Variants in SORCS1 observed in about 807,000 individuals in gnomAD.
The protein encoded by SORCS1 is VPS10 domain-containing receptor SorCS1.
Under a neutral mutation model 146.1 loss-of-function variants are expected in SORCS1, and 60 were observed. That is an observed-to-expected ratio of 0.41 (90% CI 0.33 to 0.51). SORCS1 has a LOEUF of 0.51. SORCS1 is among the 20% of genes least tolerant of loss of function. The pLI, the probability that SORCS1 is intolerant of heterozygous loss-of-function variation, is 0.21. For synonymous variants in SORCS1, 637 were observed against 584.0 expected (o/e 1.09, Z -1.31); for missense variants, 1,352 against 1,487.6 (o/e 0.91, Z 1.50).
At chr10:106,831,790 A>T (rs1167679197) in intron 2 of SORCS1, among the ~76,000 whole-genome samples, 1 of 152,228 alleles carries the variant, frequency 6.6e-6, no homozygotes, top group East Asian at 1.9e-4. Context: ...TTTAGATGCC[A>T]TTCCTAATCG....
intron 3 of SORCS1, among the ~76,000 whole-genome samples, chr10:106,819,527 A>G (rs1025064949): frequency 1.3e-5 from 2 of 152,206 alleles, no homozygotes; most frequent in African/African-American, 2.4e-5. Flanking sequence ...AGGTATACAT[A>G]TAAATACAAG....
Position 107,060,708 on chromosome 10 carries a change from C to A in SORCS1, c.558+103261G>T, listed in dbSNP as rs1233107255. On this transcript the variant is annotated intron_variant, in intron 1 of 25. Coordinates refer to ENST00000263054, the MANE Select transcript of SORCS1 (RefSeq NM_052918.5). The surrounding 1 kb of genome is among the most constrained non-coding windows in gnomAD (Gnocchi z 4.1). The stretch of plus-strand genomic sequence containing the variant: ...TTTCTCCTCTCTTGACACTTGCAGT[C>A]ATGTTTACTCTTAGACAATATCTTT... Among the ~76,000 whole-genome samples, 1 of 152,130 alleles carries A rather than the reference C, an allele frequency of 6.6e-6. No homozygotes were observed. Among genetic ancestry groups the A allele is most frequent in the East Asian group, 1.9e-4 (1 of 5,192 alleles).
intron 1 of SORCS1, among the ~76,000 whole-genome samples, chr10:107,139,963 G>C (rs1190685719): frequency 6.6e-6 from 1 of 152,106 alleles, no homozygotes; most frequent in African/African-American, 2.4e-5. Context: ...GAAGTCACCT[G>C]GCTAGCAAAA....
At chr10:106,813,700 T>A (rs529912393) in intron 3 of SORCS1, among the ~76,000 whole-genome samples, 13 of 152,282 alleles carry the variant, frequency 8.5e-5, no homozygotes, top group African/African-American at 3.1e-4. Context: ...TTTGAGAGGC[T>A]GAGGCAGGAG....
At chr10:106,863,943 T>C (rs528281056) in intron 2 of SORCS1, among the ~76,000 whole-genome samples, 123 of 152,352 alleles carry the variant, frequency 8.1e-4, no homozygotes, top group African/African-American at 2.8e-3. Flanking sequence ...ACTCAGATTC[T>C]TCTTGGCTTG....
chr10:106,652,409 G>A lies in SORCS1; in HGVS notation c.2448C>T (p.Asn816=), dbSNP rs142913360. The change falls in exon 18 of 26, where the codon AAC becomes AAT. Residue 816 remains asparagine (N), a synonymous_variant. Transcript: ENST00000263054. ...DGKLTAEQGH[N]VTLMVQLEEG... ...CTTCTAATTGCACCATGAGAGTGACGTTGTGTCCTTGTTCCGCTGTCAGCT... is the reference window on the plus strand; with the variant it reads ...CTTCTAATTGCACCATGAGAGTGACATTGTGTCCTTGTTCCGCTGTCAGCT... 412 of 1,614,122 alleles carry A rather than the reference G, an allele frequency of 2.6e-4. 2 individuals are homozygous for A. In the African/African-American group the frequency reaches 4.1e-3, roughly 16 times the overall value.
Position 106,726,282 on chromosome 10 carries a change from C to T in SORCS1, c.1024+3768G>A, listed in dbSNP as rs1449973012. Among the ~76,000 whole-genome samples, 10 of 94,240 alleles carry T rather than the reference C, an allele frequency of 1.1e-4. No individual in the cohort carries two copies. The East Asian group carries it at 2.7e-3, about 25-fold the overall frequency. The allele number at this position is 94,240 out of a possible 152,430, so 61.8% of individuals were successfully genotyped here. ...AGATTTTTTTTTTCCTGTTTTGTTT[C>T]GACAGGGCTAACTTTTCAAATTAAA... On this transcript the variant is annotated intron_variant, in intron 6 of 25. Transcript: ENST00000263054.
At chr10:106,865,194 G>A (rs140542633) in intron 2 of SORCS1, among the ~76,000 whole-genome samples, 1 of 152,082 alleles carries the variant, frequency 6.6e-6, no homozygotes, top group Admixed American at 6.5e-5. Flanking sequence ...CCCTGATCCA[G>A]TTCCTCTTCA....
At chr10:106,778,842 T>C (rs114259144) in intron 3 of SORCS1, among the ~76,000 whole-genome samples, 1 of 152,182 alleles carries the variant, frequency 6.6e-6, no homozygotes. Flanking sequence ...CCCATGAGTA[T>C]AGATCTCCCC....
chr10:106,790,451 A>G (rs1946265169), intron 3 of SORCS1, among the ~76,000 whole-genome samples: 1 of 152,224 alleles, frequency 6.6e-6, no homozygotes, highest in African/African-American at 2.4e-5. Flanking sequence ...GAAGAAATGT[A>G]ATCGTGTGTA....
intron 2 of SORCS1, among the ~76,000 whole-genome samples, chr10:106,953,357 C>T (rs941275613): frequency 6.6e-6 from 1 of 152,056 alleles, no homozygotes; most frequent in African/African-American, 2.4e-5. Flanking sequence ...TTACTTGTAA[C>T]ACCAAATAAA....
intron 8 of SORCS1, among the ~76,000 whole-genome samples, chr10:106,704,335 A>G (rs1854351042): frequency 6.6e-6 from 1 of 152,234 alleles, no homozygotes; most frequent in Non-Finnish European, 1.5e-5. Flanking sequence ...AGGAGACTTG[A>G]GTTCTAGCCT....
At chr10:106,646,348 A>G (rs540533934) in intron 18 of SORCS1, among the ~76,000 whole-genome samples, 122 of 152,310 alleles carry the variant, frequency 8.0e-4, no homozygotes, top group Non-Finnish European at 1.5e-3. Context: ...CTGTTTTAAA[A>G]AAGTCTTTGC....
At chr10:106,711,975 G>T (rs1043716663) in intron 6 of SORCS1, among the ~76,000 whole-genome samples, 25 of 152,166 alleles carry the variant, frequency 1.6e-4, no homozygotes, top group African/African-American at 6.0e-4. Context: ...TTGAATTCTG[G>T]TGTGGTTTAT....
intron 6 of SORCS1, among the ~76,000 whole-genome samples, chr10:106,720,192 C>T (rs761428093): frequency 2.0e-5 from 3 of 152,164 alleles, no homozygotes; most frequent in Non-Finnish European, 4.4e-5. Flanking sequence ...AGAGCAGAGC[C>T]TTTGCATCAA....
chr10:106,820,275 T>C (rs1196180819), intron 3 of SORCS1, among the ~76,000 whole-genome samples: 1 of 152,226 alleles, frequency 6.6e-6, no homozygotes, highest in South Asian at 2.1e-4. Context: ...ATATATCCCA[T>C]ACAGCAGGCC....
intron 2 of SORCS1, among the ~76,000 whole-genome samples, chr10:106,947,790 G>A (rs1352073148): frequency 2.6e-5 from 4 of 151,876 alleles, no homozygotes; most frequent in African/African-American, 9.7e-5. Flanking sequence ...AGAGGTTGCA[G>A]TGAGCCGAGA....
chr10:106,706,642 A>AT lies in SORCS1; in HGVS notation c.1144-9dup. 6.2e-7 allele frequency: 1 copy of AT among 1,613,962 alleles called. No individual in the cohort carries two copies. Among genetic ancestry groups the AT allele is most frequent in the Non-Finnish European group, 8.5e-7 (1 of 1,179,836 alleles). Reference sequence around the variant, plus strand: ...CCGCCCTCCTGATGTCAGCTGGATCATAAAAACAAGACTGTAAGAAGCTCG... The same window carrying AT: ...CCGCCCTCCTGATGTCAGCTGGATCATTAAAAACAAGACTGTAAGAAGCTCG... On this transcript the variant is annotated splice_polypyrimidine_tract_variant and intron_variant, in intron 7 of 25. Transcript: ENST00000263054.
intron 6 of SORCS1, among the ~76,000 whole-genome samples, chr10:106,717,884 C>G (rs1855492224): frequency 6.6e-6 from 1 of 152,220 alleles, no homozygotes; most frequent in African/African-American, 2.4e-5. Flanking sequence ...AGATGTTTTA[C>G]TCTGTGCTAG....
Sources: allele counts gnomAD v4.1 joint callset (sites outside exome capture counted in the v4.1 genomes callset), GRCh38; gene constraint gnomAD v4.1.1; non-coding constraint Gnocchi (gnomAD v3.1); transcripts MANE v1.5; gene names NCBI Gene and HGNC (gene_info 2026-07-23, HGNC 2026-07-21).